AGTPBP1: variants seen among roughly 807,000 people sequenced by gnomAD.
AGTPBP1 encodes cytosolic carboxypeptidase 1.
AGTPBP1 carries 70 observed loss-of-function variants against 143.9 expected under a neutral mutation model. The observed-to-expected ratio is 0.49, with a 90% CI of 0.40 to 0.59. The LOEUF is 0.59. AGTPBP1 is among the 20% of genes least tolerant of loss of function. The pLI, the probability that AGTPBP1 is intolerant of heterozygous loss-of-function variation, is 0.00. For missense variants in AGTPBP1, 1,229 were observed against 1,464.5 expected (o/e 0.84, Z 2.62); for synonymous variants, 463 against 500.2 (o/e 0.93, Z 0.99).
the AGTPBP1 span, among the ~76,000 whole-genome samples, chr9:85,769,520 CAA>C: frequency 2.1e-4 from 13 of 60,892 alleles, no homozygotes; most frequent in Non-Finnish European, 2.9e-4. Context: ...ACCCTGTGTC[CAA>C]AAAAAAAAAA....
intron 13 of AGTPBP1, among the ~76,000 whole-genome samples, chr9:85,637,040 GTTT>G (rs36101581): frequency 7.9e-6 from 1 of 126,472 alleles, no homozygotes; most frequent in Non-Finnish European, 1.7e-5. Flanking sequence ...TCCCCAAAAA[GTTT>G]TTTTTTTTTT....
chr9:85,683,491 C>G (rs142416475), intron 3 of AGTPBP1, among the ~76,000 whole-genome samples: 2 of 152,266 alleles, frequency 1.3e-5, no homozygotes, highest in East Asian at 3.9e-4. Context: ...CAGTATAATG[C>G]AGCCTCCCCT....
chr9:85,703,466 T>C (rs548752957), intron 2 of AGTPBP1, among the ~76,000 whole-genome samples: 7 of 152,278 alleles, frequency 4.6e-5, no homozygotes, highest in African/African-American at 1.7e-4. Context: ...CACAGACAAG[T>C]GATTTACTTT....
intron 4 of AGTPBP1, among the ~76,000 whole-genome samples, chr9:85,679,643 C>T (rs1835047456): frequency 6.6e-6 from 1 of 152,116 alleles, no homozygotes; most frequent in Non-Finnish European, 1.5e-5. Context: ...CTCCTGACCT[C>T]GTGATCTGCC....
At chr9:85,595,289 A>G (rs1328886068) in intron 18 of AGTPBP1, among the ~76,000 whole-genome samples, 2 of 152,238 alleles carry the variant, frequency 1.3e-5, no homozygotes. Context: ...TAGTGCCAGT[A>G]AAGCACAATC....
In AGTPBP1 at chr9:85,589,587, G is replaced by C; in HGVS notation, c.2663C>G (p.Pro888Arg). 6.2e-7 allele frequency: 1 copy of C among 1,613,528 alleles called. No individual in the cohort carries two copies. Among genetic ancestry groups the C allele is most frequent in the Non-Finnish European group, 8.5e-7 (1 of 1,179,636 alleles). ...TGGCATTGCTGTTATAGTCACCAAG[G>C]GGCAGCTGTTTCCAGACAGGGTTTC... ...LCETLSGNSC[P>R]LVTITAMPES... Residue 888 changes from proline (P) to arginine (R), a missense_variant, in exon 20 of 26, where the codon CCC becomes CGC. Physicochemically the swap from Pro to Arg is moderately radical, Grantham distance 103 (BLOSUM62 -2). Coordinates refer to ENST00000357081, the MANE Select transcript of AGTPBP1 (RefSeq NM_001330701.2).
chr9:85,642,965 G>A, intron 12 of AGTPBP1, 22 bp from the exon 13 acceptor site: 1 of 1,553,764 alleles, frequency 6.4e-7, no homozygotes. Context: ...AAAAGAGTAT[G>A]TTATCAGGTA....
chr9:85,777,524 G>A, the AGTPBP1 span, among the ~76,000 whole-genome samples: 1 of 152,180 alleles, frequency 6.6e-6, no homozygotes, highest in South Asian at 2.1e-4. Context: ...TTGTTCATGG[G>A]CCCATTGGGC....
intron 23 of AGTPBP1, among the ~76,000 whole-genome samples, chr9:85,582,373 T>C (rs1828322673): frequency 6.6e-6 from 1 of 152,200 alleles, no homozygotes; most frequent in Non-Finnish European, 1.5e-5. Context: ...ATTGATTAGT[T>C]ATTTTTTCAA....
At chr9:85,657,117 A>C (rs1195764972) in intron 10 of AGTPBP1, among the ~76,000 whole-genome samples, 2 of 151,688 alleles carry the variant, frequency 1.3e-5, no homozygotes, top group African/African-American at 4.9e-5. Flanking sequence ...CCAGCATGGC[A>C]CATGTATACA....
At chr9:85,610,702 C>T (rs28574275) in intron 17 of AGTPBP1, among the ~76,000 whole-genome samples, 168 of 152,248 alleles carry the variant, frequency 1.1e-3, no homozygotes, top group African/African-American at 3.9e-3. Flanking sequence ...TTCCTCATTT[C>T]AATCATGTCT....
the AGTPBP1 span, among the ~76,000 whole-genome samples, chr9:85,778,291 G>T: frequency 6.6e-6 from 1 of 152,188 alleles, no homozygotes; most frequent in African/African-American, 2.4e-5. Flanking sequence ...ATAGTCAAAC[G>T]TTCAGTTTCC....
At chr9:85,624,628 T>C (rs113553860) in intron 14 of AGTPBP1, among the ~76,000 whole-genome samples, 10 of 152,304 alleles carry the variant, frequency 6.6e-5, no homozygotes, top group African/African-American at 2.4e-4. Context: ...ATATAAGAAA[T>C]CCAGAGTTTT....
chr9:85,769,555 G>A, the AGTPBP1 span, among the ~76,000 whole-genome samples: 1 of 148,278 alleles, frequency 6.7e-6, no homozygotes, highest in South Asian at 2.2e-4. Flanking sequence ...AAAAGAACTT[G>A]TAGGTTTTCC....
the AGTPBP1 span, among the ~76,000 whole-genome samples, chr9:85,756,751 A>G: frequency 4.6e-5 from 7 of 152,238 alleles, no homozygotes; most frequent in Non-Finnish European, 7.3e-5. Flanking sequence ...ACAATAGCAT[A>G]TTATTTGACA....
intron 17 of AGTPBP1, among the ~76,000 whole-genome samples, chr9:85,612,717 G>T (rs1224382844): frequency 6.6e-6 from 1 of 152,040 alleles, no homozygotes; most frequent in Non-Finnish European, 1.5e-5. Context: ...CTTAATCCTT[G>T]AGGTCTGCAC....
At chr9:85,685,303 A>G (rs915275156) in intron 3 of AGTPBP1, among the ~76,000 whole-genome samples, 1 of 152,040 alleles carries the variant, frequency 6.6e-6, no homozygotes, top group Non-Finnish European at 1.5e-5. Context: ...GAAGAAAACT[A>G]TAGCCAGTCA....
the AGTPBP1 span, among the ~76,000 whole-genome samples, chr9:85,775,226 T>TC: frequency 2.0e-5 from 3 of 151,640 alleles, no homozygotes; most frequent in Non-Finnish European, 4.4e-5. Flanking sequence ...ATCACCTGAG[T>TC]CCCAGAGGTT....
intron 2 of AGTPBP1, among the ~76,000 whole-genome samples, chr9:85,693,101 C>T (rs1835986601): frequency 6.6e-6 from 1 of 152,144 alleles, no homozygotes; most frequent in African/African-American, 2.4e-5. Flanking sequence ...TTCACCTTTC[C>T]ACTCTCAAAG....
Sources: gnomAD v4.1 joint callset for allele counts (sites outside exome capture counted in the v4.1 genomes callset) on GRCh38, gnomAD v4.1.1 for gene constraint, MANE v1.5 for transcripts, NCBI Gene and HGNC (gene_info 2026-07-23, HGNC 2026-07-21) for gene names.